TNFSF4: variants seen among roughly 807,000 people sequenced by gnomAD.
TNFSF4 encodes TNF superfamily member 4, also known as tumor necrosis factor ligand superfamily member 4.
In TNFSF4, 4 loss-of-function variants were observed where a neutral mutation model predicts 7.3. That is an observed-to-expected ratio of 0.55 (90% CI 0.27 to 1.25). The LOEUF (loss-of-function observed/expected upper bound fraction) is 1.25. Among genes scored for constraint, TNFSF4 ranks in the 50% most tolerant of loss-of-function variants. The probability of loss-of-function intolerance (pLI) is 0.12; values close to 1 mark genes in which losing one functional copy is unlikely to be tolerated. For missense variants in TNFSF4, 181 were observed against 208.8 expected (o/e 0.87, Z 0.82); for synonymous variants, 76 against 83.7 (o/e 0.91, Z 0.50).
chr1:173,215,918 T>C, the TNFSF4 span, among the ~76,000 whole-genome samples: 1 of 152,178 alleles, frequency 6.6e-6, no homozygotes, highest in Non-Finnish European at 1.5e-5. Context: ...GTGGTCTGTG[T>C]CCACAAATGG....
the TNFSF4 span, among the ~76,000 whole-genome samples, chr1:173,397,148 T>C: frequency 6.6e-6 from 1 of 152,310 alleles, no homozygotes; most frequent in Non-Finnish European, 1.5e-5. Context: ...GTAGTAAACC[T>C]AGTAAATTCT....
At chr1:173,255,589 A>T in the TNFSF4 span, among the ~76,000 whole-genome samples, 7 of 152,206 alleles carry the variant, frequency 4.6e-5, no homozygotes, top group African/African-American at 1.4e-4. Flanking sequence ...AGTGGAAAAG[A>T]GGGTATGATC....
chr1:173,417,161 G>A, the TNFSF4 span, among the ~76,000 whole-genome samples: 9 of 152,202 alleles, frequency 5.9e-5, no homozygotes, highest in South Asian at 2.1e-4. Context: ...CAGAGGAATG[G>A]TGCATTTGTG....
chr1:173,332,228 G>A, the TNFSF4 span, among the ~76,000 whole-genome samples: 4 of 152,210 alleles, frequency 2.6e-5, no homozygotes, highest in Admixed American at 2.6e-4. Flanking sequence ...CAGCAAGAGT[G>A]AGGAAGCAAA....
At chr1:173,261,387 G>A in the TNFSF4 span, among the ~76,000 whole-genome samples, 5 of 152,006 alleles carry the variant, frequency 3.3e-5, no homozygotes, top group Non-Finnish European at 7.4e-5. Flanking sequence ...AAAGATCTCA[G>A]ATTGACTTCC....
the TNFSF4 span, among the ~76,000 whole-genome samples, chr1:173,291,181 G>A: frequency 6.6e-6 from 1 of 152,148 alleles, no homozygotes; most frequent in Non-Finnish European, 1.5e-5. Flanking sequence ...ACAGGAGCGA[G>A]CACCTTACGT....
the TNFSF4 span, among the ~76,000 whole-genome samples, chr1:173,376,156 T>C: frequency 1.3e-5 from 2 of 152,298 alleles, no homozygotes; most frequent in East Asian, 1.9e-4. Flanking sequence ...CCTATACATA[T>C]TGAAAAGTCT....
the TNFSF4 span, among the ~76,000 whole-genome samples, chr1:173,271,812 T>A: frequency 6.6e-6 from 1 of 152,236 alleles, no homozygotes; most frequent in African/African-American, 2.4e-5. Context: ...GATCTAGAAC[T>A]AGAAATACCA....
chr1:173,426,134 G>A, the TNFSF4 span, among the ~76,000 whole-genome samples: 1 of 152,180 alleles, frequency 6.6e-6, no homozygotes, highest in Non-Finnish European at 1.5e-5. Context: ...TCTGGGTGTG[G>A]CGTCAACTCT....
chr1:173,309,872 C>T, the TNFSF4 span, among the ~76,000 whole-genome samples: 1 of 151,774 alleles, frequency 6.6e-6, no homozygotes, highest in African/African-American at 2.4e-5. Context: ...CAGAATTATT[C>T]AGGTTTTCCA....
At chr1:173,442,416 T>C in the TNFSF4 span, among the ~76,000 whole-genome samples, 1 of 152,122 alleles carries the variant, frequency 6.6e-6, no homozygotes, top group Admixed American at 6.5e-5. Flanking sequence ...CTCTCCCACA[T>C]ACCTAAGAAT....
chr1:173,406,461 G>A, the TNFSF4 span, among the ~76,000 whole-genome samples: 1 of 152,074 alleles, frequency 6.6e-6, no homozygotes, highest in Non-Finnish European at 1.5e-5. Flanking sequence ...AGCTAACGAA[G>A]ACATTACAGG....
the TNFSF4 span, among the ~76,000 whole-genome samples, chr1:173,444,981 C>T: frequency 1.3e-5 from 2 of 152,180 alleles, no homozygotes; most frequent in African/African-American, 4.8e-5. Context: ...AGTAAAAATA[C>T]CTGAAGTGAC....
chr1:173,262,344 G>C, the TNFSF4 span, among the ~76,000 whole-genome samples: 2 of 152,064 alleles, frequency 1.3e-5, no homozygotes, highest in Non-Finnish European at 2.9e-5. Flanking sequence ...AATAGTAAGA[G>C]CTATTTATGA....
At chr1:173,265,821 C>A in the TNFSF4 span, among the ~76,000 whole-genome samples, 1 of 152,066 alleles carries the variant, frequency 6.6e-6, no homozygotes, top group Non-Finnish European at 1.5e-5. Context: ...TTTTAATTTG[C>A]GTTAGTGGTA....
chr1:173,284,809 G>C, the TNFSF4 span, among the ~76,000 whole-genome samples: 1 of 152,114 alleles, frequency 6.6e-6, no homozygotes, highest in Non-Finnish European at 1.5e-5. Context: ...CTCAGAAAAA[G>C]AGTTCTTTCA....
chr1:173,202,070 T>TATATATATATATATATACACA lies in TNFSF4; in HGVS notation c.153+4953_153+4954insTGTGTATATATATATATATAT, dbSNP rs150074641. On this transcript the variant is annotated intron_variant, in intron 1 of 2. Transcript: ENST00000281834. Reference sequence around the variant, plus strand: ...CTATATATATATACATATATATATATACACACACACATACACATATATATA... The same window carrying TATATATATATATATATACACA: ...CTATATATATATACATATATATATATATATATATATATATATACACAACACACACACATACACATATATATA... Among the ~76,000 whole-genome samples, 169 of 149,612 alleles carry TATATATATATATATATACACA rather than the reference T, an allele frequency of 1.1e-3. 1 individual carries two copies. The highest frequency in any genetic ancestry group is 4.3e-3 in the Admixed American group (64 of 14,888).
chr1:173,342,685 C>T, the TNFSF4 span, among the ~76,000 whole-genome samples: 5 of 152,172 alleles, frequency 3.3e-5, no homozygotes, highest in South Asian at 8.3e-4. Flanking sequence ...ACCTCCTACA[C>T]ACTAAGGAAG....
At chr1:173,290,576 TC>T in the TNFSF4 span, among the ~76,000 whole-genome samples, 1 of 152,016 alleles carries the variant, frequency 6.6e-6, no homozygotes, top group Non-Finnish European at 1.5e-5. Flanking sequence ...ACATTCACAC[TC>T]CCAGATTCAT....
Sources: allele counts gnomAD v4.1 joint callset (sites outside exome capture counted in the v4.1 genomes callset), GRCh38; gene constraint gnomAD v4.1.1; transcripts MANE v1.5; gene names NCBI Gene and HGNC (gene_info 2026-07-23, HGNC 2026-07-21).